The following TMEFF2 variants were observed in gnomAD, a reference collection of about 807,000 sequenced individuals.
TMEFF2 encodes the protein transmembrane protein with EGF like and two follistatin like domains 2.
In TMEFF2, 28 loss-of-function variants were observed where a neutral mutation model predicts 53.8. The observed-to-expected ratio is 0.52, with a 90% CI of 0.39 to 0.71. TMEFF2 has a LOEUF of 0.71. Ranked by LOEUF, TMEFF2 falls within the 30% of genes least tolerant of loss-of-function variation. The probability of loss-of-function intolerance (pLI) is 0.00; values close to 1 mark genes in which losing one functional copy is unlikely to be tolerated. For missense variants in TMEFF2, 353 were observed against 455.2 expected, an observed-to-expected ratio of 0.78 and a Z score of 2.04; for synonymous variants, 162 against 166.3, an observed-to-expected ratio of 0.97 and a Z score of 0.20.
In TMEFF2 at chr2:192,117,959, G is replaced by A. The variant is rs181146613; in HGVS notation, c.440-60184C>T. Among the ~76,000 whole-genome samples the A allele has an allele frequency of 5.2e-4, 79 of 151,396 alleles. 2 individuals carry two copies. Among genetic ancestry groups the A allele is most frequent in the Middle Eastern group, 3.4e-3 (1 of 294 alleles). On this transcript the variant is annotated intron_variant, in intron 4 of 9. Transcript: ENST00000272771. ...GAGTGTACTTTTGTTTCAATAAATC[G>A]GTGCTTTTCTTTCATTGCTTTGTTT...
At chr2:192,181,644 T>TA (rs1691187338) in intron 3 of TMEFF2, among the ~76,000 whole-genome samples, 1 of 151,758 alleles carries the variant, frequency 6.6e-6, no homozygotes, top group Non-Finnish European at 1.5e-5. Context: ...AGGAACATAA[T>TA]AATTAAAATG....
chr2:192,081,800 CTTTTTTTT>C (rs900552541), intron 4 of TMEFF2, among the ~76,000 whole-genome samples: 2 of 130,368 alleles, frequency 1.5e-5, no homozygotes, highest in African/African-American at 3.0e-5. Context: ...AACGATTTCC[CTTTTTTTT>C]TTTTTTTTTT....
intron 5 of TMEFF2, among the ~76,000 whole-genome samples, chr2:192,048,352 T>A (rs985449685): frequency 2.1e-5 from 2 of 95,208 alleles, no homozygotes; most frequent in South Asian, 6.6e-4. Context: ...TATTATTAGA[T>A]TCTCATAAAA....
chr2:192,044,462 G>A (rs1383122062), intron 5 of TMEFF2: 1 of 152,100 alleles, frequency 6.6e-6, no homozygotes, highest in Non-Finnish European at 1.5e-5. Flanking sequence ...ATGCCTAGTG[G>A]GCCTCTTTGG....
At chr2:192,168,250 G>A (rs1441705337) in intron 4 of TMEFF2, among the ~76,000 whole-genome samples, 1 of 151,978 alleles carries the variant, frequency 6.6e-6, no homozygotes, top group Non-Finnish European at 1.5e-5. Context: ...TGCTTTGATG[G>A]TTAAAGTAAA....
Position 192,081,313 on chromosome 2 carries a change from G to T in TMEFF2, c.440-23538C>A, listed in dbSNP as rs1374922042. ...CTACTTTAATACTAAGCCTGAAAAT[G>T]CAGGGCATGAAAATTTGTTTCATAC... is the stretch of plus-strand genomic sequence containing the variant. On this transcript the variant is annotated intron_variant, in intron 4 of 9. Transcript: ENST00000272771. Among the ~76,000 whole-genome samples the T allele has an allele frequency of 2.6e-5, 4 of 152,132 alleles. No homozygotes were observed. The East Asian group carries it at 7.7e-4, about 29-fold the overall frequency.
intron 4 of TMEFF2, among the ~76,000 whole-genome samples, chr2:192,153,445 AG>A (rs1176761171): frequency 1.3e-5 from 2 of 151,860 alleles, no homozygotes; most frequent in African/African-American, 2.4e-5. Flanking sequence ...TCTTACTTGT[AG>A]ATGCATCTCC....
At chr2:192,081,712 G>A (rs1195948984) in intron 4 of TMEFF2, among the ~76,000 whole-genome samples, 2 of 151,570 alleles carry the variant, frequency 1.3e-5, no homozygotes, top group Non-Finnish European at 2.9e-5. Flanking sequence ...GAGGAATGGA[G>A]GAAATTGTCT....
chr2:192,083,163 A>C (rs1688592451), intron 4 of TMEFF2, among the ~76,000 whole-genome samples: 1 of 152,088 alleles, frequency 6.6e-6, no homozygotes, highest in South Asian at 2.1e-4. Flanking sequence ...GGTATAAAGG[A>C]AGGCAAAATT....
chr2:192,077,017 G>A (rs1003740145), intron 4 of TMEFF2, among the ~76,000 whole-genome samples: 1 of 152,060 alleles, frequency 6.6e-6, no homozygotes, highest in East Asian at 1.9e-4. Flanking sequence ...AGAGAAATCG[G>A]TCATCAGAAA....
intron 4 of TMEFF2, among the ~76,000 whole-genome samples, chr2:192,078,923 A>C (rs183663780): frequency 6.6e-6 from 1 of 152,284 alleles, no homozygotes; most frequent in East Asian, 1.9e-4. Context: ...TACTAATGGG[A>C]TATATATGCA....
intron 4 of TMEFF2, among the ~76,000 whole-genome samples, chr2:192,064,398 A>T (rs1426485479): frequency 6.6e-6 from 1 of 151,830 alleles, no homozygotes; most frequent in African/African-American, 2.4e-5. Flanking sequence ...TACTTTATAC[A>T]GCCATTCTAC....
At chr2:191,999,301 A>G in intron 5 of TMEFF2, 93 bp from the exon 6 acceptor site, 1 of 1,182,838 alleles carries the variant, frequency 8.5e-7, no homozygotes, top group Admixed American at 2.8e-5. Flanking sequence ...TAAGTTGACA[A>G]AATGCAAGTT....
At chr2:191,980,193 A>G (rs1304770424) in intron 7 of TMEFF2, among the ~76,000 whole-genome samples, 2 of 152,246 alleles carry the variant, frequency 1.3e-5, no homozygotes, top group African/African-American at 2.4e-5. Context: ...AAGCATAAAT[A>G]CATAAATAAA....
intron 7 of TMEFF2, among the ~76,000 whole-genome samples, chr2:191,988,585 G>T (rs1686032677): frequency 1.3e-5 from 2 of 152,060 alleles, no homozygotes; most frequent in Admixed American, 1.3e-4. Context: ...GGTCTTTCTG[G>T]AATACTGACT....
rs397987092 is a variant in TMEFF2 at position 192,141,459 on chromosome 2, GAA to G, written c.439+38207_439+38208del. On this transcript the variant is annotated intron_variant, in intron 4 of 9. Transcript: ENST00000272771. ...CAGAGTGAGACTCCGTCTCAAAAAA[GAA>G]AAAAAAAAAAAAAAAAAAGAAGTGT... Among the ~76,000 whole-genome samples the G allele has an allele frequency of 5.2e-3, 563 of 107,278 alleles. 2 individuals carry two copies. Among genetic ancestry groups the G allele is most frequent in the Middle Eastern group, 0.019 (4 of 216 alleles). 70.4% of individuals were successfully genotyped at this position (107,278 alleles called of 152,430 possible).
intron 5 of TMEFF2, among the ~76,000 whole-genome samples, chr2:192,002,307 A>G (rs1377381237): frequency 2.0e-5 from 3 of 152,148 alleles, no homozygotes; most frequent in African/African-American, 7.2e-5. Context: ...AGCTTCAGGA[A>G]TGCATGGATT....
intron 4 of TMEFF2, among the ~76,000 whole-genome samples, chr2:192,165,157 T>C: frequency 6.6e-6 from 1 of 152,302 alleles, no homozygotes; most frequent in Middle Eastern, 3.4e-3. Flanking sequence ...ATATTTAACA[T>C]ATTTTAATAT....
At chr2:192,141,385 G>A (rs1460440376) in intron 4 of TMEFF2, among the ~76,000 whole-genome samples, 1 of 151,120 alleles carries the variant, frequency 6.6e-6, no homozygotes, top group Non-Finnish European at 1.5e-5. Flanking sequence ...CCCAAAAGTC[G>A]GAGGTTGCAG....
Sources: allele counts gnomAD v4.1 joint callset (sites outside exome capture counted in the v4.1 genomes callset), GRCh38; gene constraint gnomAD v4.1.1; transcripts MANE v1.5; gene names NCBI Gene and HGNC (gene_info 2026-07-23, HGNC 2026-07-21).